Variants in CACNA1C observed in about 807,000 individuals in gnomAD.
The protein encoded by CACNA1C is calcium voltage-gated channel subunit alpha1 C, also known as voltage-dependent L-type calcium channel subunit alpha-1C.
Under a neutral mutation model 229.0 loss-of-function variants are expected in CACNA1C, and 30 were observed. That is an observed-to-expected ratio of 0.13 (90% CI 0.10 to 0.18). CACNA1C has a LOEUF of 0.18. Ranked by LOEUF, CACNA1C falls within the 10% of genes least tolerant of loss-of-function variation. The pLI is 1.00. For synonymous variants in CACNA1C, 1,114 were observed against 1,132.5 expected (o/e 0.98, Z 0.33); for missense variants, 1,658 against 2,845.0 (o/e 0.58, Z 9.49).
At chr12:2,183,635 C>T (rs1401178322) in intron 3 of CACNA1C, among the ~76,000 whole-genome samples, 1 of 152,196 alleles carries the variant, frequency 6.6e-6, no homozygotes, top group Non-Finnish European at 1.5e-5. Flanking sequence ...TGCATCCTCT[C>T]ATGGTATGTG....
intron 20 of CACNA1C, among the ~76,000 whole-genome samples, chr12:2,596,995 C>G (rs1417085322): frequency 6.6e-6 from 1 of 152,150 alleles, no homozygotes; most frequent in Admixed American, 6.5e-5. Flanking sequence ...CCTCACTTAT[C>G]TGGGGGCTTC....
At position 2,655,222 on chromosome 12, in the gene CACNA1C, G is replaced by A. The variant is rs753204879; in HGVS notation, c.4216G>A (p.Val1406Met). The A allele has an allele frequency of 6.2e-7, 1 of 1,611,524 alleles. No individual in the cohort carries two copies. The highest frequency in any genetic ancestry group is 8.5e-7 in the Non-Finnish European group (1 of 1,177,874). The change falls in exon 34 of 47, where the codon GTG (valine) becomes ATG (methionine). Residue 1406 changes from valine (V) to methionine (M), a missense_variant. By Grantham distance (21) the Val-to-Met change is conservative (BLOSUM62 1). Around this residue, in one of 20 missense-constraint regions of CACNA1C, gnomAD observed 151 missense variants for 344.4 expected, o/e 0.44. Transcript: ENST00000399655. ...CAACTTTCAGACCTTCCCCCAGGCC[G>A]TGCTGCTCCTCTTCAGGTGGGTCCC... ...NNNFQTFPQA[V>M]LLLFRCATGE...
At chr12:2,383,195 C>A (rs537483289) in intron 3 of CACNA1C, among the ~76,000 whole-genome samples, 1 of 152,132 alleles carries the variant, frequency 6.6e-6, no homozygotes, top group African/African-American at 2.4e-5. Flanking sequence ...TTACTATGAT[C>A]ATATGCAAGC....
chr12:2,147,739 A>G (rs1256432196), intron 3 of CACNA1C, among the ~76,000 whole-genome samples: 1 of 149,508 alleles, frequency 6.7e-6, no homozygotes, highest in Non-Finnish European at 1.5e-5. Context: ...TGCAAATTAC[A>G]GAGTGAAAGA....
intron 34 of CACNA1C, among the ~76,000 whole-genome samples, chr12:2,662,060 G>A (rs893309984): frequency 6.6e-6 from 1 of 152,102 alleles, no homozygotes; most frequent in Non-Finnish European, 1.5e-5. Flanking sequence ...GGCTAACACC[G>A]TGAAACCCCG....
chr12:2,622,879 G>A (rs1365034811), intron 29 of CACNA1C, among the ~76,000 whole-genome samples: 1 of 152,154 alleles, frequency 6.6e-6, no homozygotes, highest in African/African-American at 2.4e-5. Flanking sequence ...TCTCCTGGTG[G>A]CCTTCTGTGG....
chr12:2,469,528 T>C (rs769724681), intron 5 of CACNA1C, among the ~76,000 whole-genome samples: 7 of 152,186 alleles, frequency 4.6e-5, no homozygotes, highest in African/African-American at 9.7e-5. Flanking sequence ...ACATGGGTGA[T>C]TGGAACAGCA....
chr12:2,486,243 C>T lies in CACNA1C; in HGVS notation c.897C>T (p.Tyr299=), dbSNP rs1427818356. Reference sequence around the variant, plus strand: ...TGGGGAAGATGCACAAGACCTGCTACAACCAGGAGGGCATAGCAGGTAAGA... The same window carrying T: ...TGGGGAAGATGCACAAGACCTGCTATAACCAGGAGGGCATAGCAGGTAAGA... ...LFMGKMHKTC[Y]NQEGIADVPA... The change falls in exon 6 of 47, where the codon TAC becomes TAT. Residue 299 remains tyrosine (Y), a synonymous_variant. Coordinates refer to ENST00000399655, the MANE Select transcript of CACNA1C (RefSeq NM_000719.7). The surrounding 1 kb of genome is among the most constrained non-coding windows in gnomAD (Gnocchi z 4.9). The T allele has an allele frequency of 4.3e-6, 7 of 1,613,534 alleles. No homozygotes were observed. In the East Asian group the frequency reaches 1.1e-4, roughly 26 times the overall value.
chr12:2,033,644 C>A (rs2048603644), intron 1 of CACNA1C, among the ~76,000 whole-genome samples: 1 of 152,192 alleles, frequency 6.6e-6, no homozygotes, highest in Non-Finnish European at 1.5e-5. Context: ...AACAACAACA[C>A]AACAACAACA....
chr12:2,558,715 C>T (rs1054340059), intron 11 of CACNA1C, among the ~76,000 whole-genome samples: 2 of 152,248 alleles, frequency 1.3e-5, no homozygotes, highest in Non-Finnish European at 2.9e-5. Flanking sequence ...CCCCACCAAC[C>T]TCTTGGGCTG....
At chr12:2,212,031 A>C (rs1440681307) in intron 3 of CACNA1C, among the ~76,000 whole-genome samples, 1 of 152,062 alleles carries the variant, frequency 6.6e-6, no homozygotes, top group Non-Finnish European at 1.5e-5. Flanking sequence ...TCTTTCTGCT[A>C]CCTTTACGTT....
rs368817423 is a variant in CACNA1C at position 2,688,680 on chromosome 12, C to A, written c.6018C>A (p.Ser2006Arg). ...AETTPGGGGS[S>R]AARRVRPVSL... ...CCACCCCCGGTGGCGGGGGCAGCAGCGCCGCCCGGAGAGTCCGGCCCGTCT... is the reference window on the plus strand; with the variant it reads ...CCACCCCCGGTGGCGGGGGCAGCAGAGCCGCCCGGAGAGTCCGGCCCGTCT... The change falls in exon 46 of 47, where the codon AGC becomes AGA. Residue 2006 changes from serine (S) to arginine (R), a missense_variant. This residue lies in a region of CACNA1C where 590 missense variants were observed against 700.8 expected (regional missense o/e 0.84). Coordinates refer to ENST00000399655, the MANE Select transcript of CACNA1C (RefSeq NM_000719.7). 5.6e-6 allele frequency: 9 copies of A among 1,613,040 alleles called. No individual in the cohort carries two copies. Among genetic ancestry groups the A allele is most frequent in the Non-Finnish European group, 7.6e-6 (9 of 1,179,660 alleles).
chr12:2,094,080 T>C (rs1435507189), intron 1 of CACNA1C, among the ~76,000 whole-genome samples: 1 of 152,196 alleles, frequency 6.6e-6, no homozygotes, highest in African/African-American at 2.4e-5. Flanking sequence ...TCCTTGTATG[T>C]GTGTAGCTGT....
intron 29 of CACNA1C, among the ~76,000 whole-genome samples, chr12:2,618,459 A>G (rs1037537186): frequency 6.6e-6 from 1 of 152,236 alleles, no homozygotes; most frequent in Non-Finnish European, 1.5e-5. Context: ...CCTGTGTCAG[A>G]GCAGCGGCTC....
intron 4 of CACNA1C, 39 bp from the exon 5 acceptor site, chr12:2,457,528 C>T (rs775196034): frequency 1.3e-6 from 2 of 1,590,094 alleles, no homozygotes; most frequent in East Asian, 4.5e-5. Flanking sequence ...CAAAAGAAAA[C>T]CCAGTCCTGA....
chr12:2,071,423 A>G (rs758149740), intron 1 of CACNA1C, among the ~76,000 whole-genome samples: 5 of 151,552 alleles, frequency 3.3e-5, no homozygotes, highest in Non-Finnish European at 4.4e-5. Context: ...AGGTCTTGCT[A>G]TGTTGCCGAG....
Position 2,215,001 on chromosome 12 carries a change from G to A in CACNA1C, c.477+94571G>A, listed in dbSNP as rs1176696277. On this transcript the variant is annotated intron_variant, in intron 3 of 46. Coordinates refer to ENST00000399655, the MANE Select transcript of CACNA1C (RefSeq NM_000719.7). The surrounding 1 kb of genome is among the most constrained non-coding windows in gnomAD (Gnocchi z 5.0). The stretch of plus-strand genomic sequence containing the variant: ...AGCGAGGCACAGGGGCTCTCTCTGG[G>A]TTTGGACTGGAGCACCTCATGGGTG... 6.6e-6 allele frequency among the ~76,000 whole-genome samples: 1 copy of A among 152,130 alleles called. No homozygotes were observed. The highest frequency in any genetic ancestry group is 1.5e-5 in the Non-Finnish European group (1 of 68,028).
At chr12:2,246,729 A>G (rs2073435416) in intron 3 of CACNA1C, among the ~76,000 whole-genome samples, 1 of 152,144 alleles carries the variant, frequency 6.6e-6, no homozygotes, top group African/African-American at 2.4e-5. Context: ...GTTCTTTTAT[A>G]GGTCCCAGCA....
chr12:2,572,467 T>TCCTCTCC (rs1555806848), intron 13 of CACNA1C, among the ~76,000 whole-genome samples: 1 of 37,836 alleles, frequency 2.6e-5, no homozygotes, highest in Non-Finnish European at 4.5e-5. Flanking sequence ...CCTCCTCCTC[T>TCCTCTCC]TCCTCCTTCT....
Sources: allele counts gnomAD v4.1 joint callset (sites outside exome capture counted in the v4.1 genomes callset), GRCh38; gene constraint gnomAD v4.1.1; regional missense constraint gnomAD v4.1.1; non-coding constraint Gnocchi (gnomAD v3.1); transcripts MANE v1.5; gene names NCBI Gene and HGNC (gene_info 2026-07-23, HGNC 2026-07-21).